Variants in TBC1D22A observed in about 807,000 individuals in gnomAD.
TBC1D22A encodes the protein putative GTPase activator.
Under a neutral mutation model 60.2 loss-of-function variants are expected in TBC1D22A, and 38 were observed. The ratio of observed to expected loss-of-function variants is 0.63; its 90% confidence interval spans 0.49 to 0.83. The LOEUF (loss-of-function observed/expected upper bound fraction) is 0.83, where lower values mean the gene tolerates loss of function less well. TBC1D22A is among the 40% of genes least tolerant of loss of function. The probability of loss-of-function intolerance (pLI) is 0.00; values close to 1 mark genes in which losing one functional copy is unlikely to be tolerated. For synonymous variants in TBC1D22A, 302 were observed against 281.7 expected (o/e 1.07, Z -0.72); for missense variants, 628 against 701.0 (o/e 0.90, Z 1.18).
chr22:46,796,698 G>A (rs743140), intron 3 of TBC1D22A, among the ~76,000 whole-genome samples: 78,766 of 143,818 alleles, frequency 0.55, 21,160 homozygotes, highest in Middle Eastern at 0.67. Flanking sequence ...GGGCCTGTCC[G>A]TCTTGGGGGT....
At chr22:46,874,555 G>A (rs2067445856) in intron 4 of TBC1D22A, among the ~76,000 whole-genome samples, 1 of 130,272 alleles carries the variant, frequency 7.7e-6, no homozygotes, top group Middle Eastern at 3.7e-3. Flanking sequence ...TTTGGCTACA[G>A]GTATGTCTTT....
intron 12 of TBC1D22A, among the ~76,000 whole-genome samples, chr22:47,172,792 G>C (rs180736150): frequency 6.6e-6 from 1 of 152,236 alleles, no homozygotes. Context: ...TAGACCTGAA[G>C]CTGGGTTTGG....
chr22:46,881,487 T>C (rs1754560540), intron 5 of TBC1D22A, among the ~76,000 whole-genome samples: 1 of 152,198 alleles, frequency 6.6e-6, no homozygotes, highest in Non-Finnish European at 1.5e-5. Flanking sequence ...ACTGCTGCCC[T>C]GTGTCTGTCC....
chr22:46,885,046 G>C (rs2147544480), intron 5 of TBC1D22A, among the ~76,000 whole-genome samples: 1 of 152,354 alleles, frequency 6.6e-6, no homozygotes, highest in African/African-American at 2.4e-5. Context: ...TTGTCACAGA[G>C]TCTCTAGAGC....
chr22:46,900,868 T>A (rs375332664), intron 7 of TBC1D22A, among the ~76,000 whole-genome samples: 9 of 152,322 alleles, frequency 5.9e-5, no homozygotes, highest in African/African-American at 2.2e-4. Context: ...GTACTAATCT[T>A]ATTGGGGAAA....
At chr22:46,913,610 T>C in intron 8 of TBC1D22A, 1 of 985,156 alleles carries the variant, frequency 1.0e-6, no homozygotes, top group Non-Finnish European at 1.2e-6. Context: ...TTTCTGCCTC[T>C]TACCCCTCAT....
At chr22:46,842,236 G>T (rs867570741) in intron 4 of TBC1D22A, among the ~76,000 whole-genome samples, 12 of 152,254 alleles carry the variant, frequency 7.9e-5, no homozygotes, top group Middle Eastern at 3.2e-3. Flanking sequence ...GGGGCCATTT[G>T]AATGATAGGG....
chr22:47,140,231 G>A (rs972074918), intron 12 of TBC1D22A, among the ~76,000 whole-genome samples: 4 of 151,992 alleles, frequency 2.6e-5, no homozygotes, highest in Non-Finnish European at 5.9e-5. Flanking sequence ...CTTCTCGGTG[G>A]CCCAGGCTGC....
chr22:46,834,940 G>A (rs946588501), intron 4 of TBC1D22A, among the ~76,000 whole-genome samples: 8 of 152,184 alleles, frequency 5.3e-5, no homozygotes, highest in African/African-American at 1.9e-4. Flanking sequence ...CTTAACCTTA[G>A]ACACTTCTGA....
At chr22:46,878,320 A>AGGTG (rs1569163971) in intron 4 of TBC1D22A, among the ~76,000 whole-genome samples, 1 of 8,362 alleles carries the variant, frequency 1.2e-4, no homozygotes, top group Non-Finnish European at 3.1e-4. Flanking sequence ...AGGAGGTGGG[A>AGGTG]GGGAGAGAGA....
At position 46,911,518 on chromosome 22, in the gene TBC1D22A, C is replaced by T. The variant is rs781490637; in HGVS notation, c.901-556C>T. Among the ~76,000 whole-genome samples the T allele has an allele frequency of 7.2e-5, 11 of 152,296 alleles. 1 individual carries two copies. The highest frequency in any genetic ancestry group is 1.5e-4 in the Non-Finnish European group (10 of 68,024). On this transcript the variant is annotated intron_variant, in intron 7 of 12. Transcript: ENST00000337137. ...GCCCGCGGGGTGTGGAGGAGCAGAG[C>T]GCTTCTGCTGGGAGAGCCAGCTCAG...
At chr22:46,937,598 T>A (rs557926031) in intron 8 of TBC1D22A, among the ~76,000 whole-genome samples, 167 of 151,862 alleles carry the variant, frequency 1.1e-3, no homozygotes, top group African/African-American at 3.9e-3. Flanking sequence ...AAAAGTTATT[T>A]AAAAAAAAAG....
At chr22:46,941,637 C>G (rs866423016) in intron 8 of TBC1D22A, among the ~76,000 whole-genome samples, 27 of 139,626 alleles carry the variant, frequency 1.9e-4, no homozygotes, top group Non-Finnish European at 3.0e-4. Context: ...TATATATACG[C>G]GGAATATATA....
intron 1 of TBC1D22A, among the ~76,000 whole-genome samples, chr22:46,765,955 TTATGTGTG>T (rs771791465): frequency 1.1e-4 from 12 of 113,408 alleles, no homozygotes; most frequent in East Asian, 8.0e-4. Context: ...CCCAGCTAAT[TTATGTGTG>T]TGTGTGTGTG....
rs2067459463 is a variant in TBC1D22A at position 46,874,662 on chromosome 22, C to G, written c.638-3991C>G. On this transcript the variant is annotated intron_variant, in intron 4 of 12. Coordinates refer to ENST00000337137, the MANE Select transcript of TBC1D22A (RefSeq NM_014346.5). ...AGTCTTGGCTCACTGCAGCCTCCAC[C>G]TCTTGGGTTCAAGTGATTCTCCTGC... Among the ~76,000 whole-genome samples the G allele has an allele frequency of 2.8e-5, 4 of 142,480 alleles. No individual in the cohort carries two copies. The South Asian group carries it at 9.0e-4, about 32-fold the overall frequency. 93.5% of individuals were successfully genotyped at this position (142,480 alleles called of 152,430 possible).
intron 9 of TBC1D22A, among the ~76,000 whole-genome samples, chr22:46,992,616 C>T (rs920882270): frequency 5.8e-4 from 88 of 152,264 alleles, no homozygotes; most frequent in African/African-American, 2.1e-3. Context: ...CACATCGATA[C>T]TCAGGACTTG....
At chr22:47,069,876 TTTGG>T (rs2063909221) in intron 11 of TBC1D22A, among the ~76,000 whole-genome samples, 1 of 149,558 alleles carries the variant, frequency 6.7e-6, no homozygotes, top group Admixed American at 6.7e-5. Flanking sequence ...TTCCCTGTTG[TTTGG>T]TTGGAGCGGA....
At chr22:47,133,927 C>T (rs1324289182) in intron 12 of TBC1D22A, among the ~76,000 whole-genome samples, 1 of 152,112 alleles carries the variant, frequency 6.6e-6, no homozygotes, top group Non-Finnish European at 1.5e-5. Context: ...AGTAGAAATT[C>T]TCTTGACTGG....
chr22:47,068,109 A>T (rs2063840588), intron 11 of TBC1D22A, among the ~76,000 whole-genome samples: 1 of 152,236 alleles, frequency 6.6e-6, no homozygotes, highest in Non-Finnish European at 1.5e-5. Context: ...GGCCACGGGC[A>T]GTGTCTAGTC....
Sources: allele counts gnomAD v4.1 joint callset (sites outside exome capture counted in the v4.1 genomes callset), GRCh38; gene constraint gnomAD v4.1.1; transcripts MANE v1.5; gene names NCBI Gene and HGNC (gene_info 2026-07-23, HGNC 2026-07-21).